Variants in SUMF2 observed in about 807,000 individuals in gnomAD.
The protein encoded by SUMF2 is sulfatase modifying factor 2, also known as inactive C-alpha-formylglycine-generating enzyme 2.
SUMF2 carries 45 observed loss-of-function variants against 44.8 expected under a neutral mutation model. That is an observed-to-expected ratio of 1.00 (90% CI 0.79 to 1.29). The LOEUF (loss-of-function observed/expected upper bound fraction) is 1.29. Ranked by LOEUF, SUMF2 falls within the 50% of genes most tolerant of loss-of-function variation. The probability of loss-of-function intolerance (pLI) is 0.00; values close to 1 mark genes in which losing one functional copy is unlikely to be tolerated. For missense variants in SUMF2, 418 were observed against 389.9 expected (o/e 1.07, Z -0.61); for synonymous variants, 148 against 150.4 (o/e 0.98, Z 0.12).
At chr7:56,073,910 G>A in intron 3 of SUMF2, 2 of 542,088 alleles carry the variant, frequency 3.7e-6, no homozygotes, top group South Asian at 4.9e-5. Flanking sequence ...AGCTACTCAG[G>A]AGGTTGAGGT....
intron 5 of SUMF2, among the ~76,000 whole-genome samples, chr7:56,075,107 A>AG (rs1217401572): frequency 2.0e-5 from 3 of 151,668 alleles, no homozygotes; most frequent in African/African-American, 7.3e-5. Context: ...CAAAAGAAAA[A>AG]GCGGGGGGAT....
At chr7:56,087,513 C>T in the SUMF2 span, 1,504 of 1,347,788 alleles carry the variant, frequency 1.1e-3, 8 homozygotes, top group South Asian at 2.1e-3. Flanking sequence ...GTTGGCTGTG[C>T]GGTGGGGCCA....
Position 56,080,563 on chromosome 7 carries a change from C to T in SUMF2, c.*951C>T, listed in dbSNP as rs1477990496. The T allele has an allele frequency of 1.2e-5, 2 of 169,556 alleles. No individual in the cohort carries two copies. Among genetic ancestry groups the T allele is most frequent in the Middle Eastern group, 2.8e-3 (1 of 362 alleles). The allele number at this position is 169,556 out of a possible 1,614,324, so 10.5% of individuals were successfully genotyped here. ...ACAGGTGTGAGCCACCTCGCCTGGGCCCCCTTCTCCATATGCCTCCAAAAA... is the reference window on the plus strand; with the variant it reads ...ACAGGTGTGAGCCACCTCGCCTGGGTCCCCTTCTCCATATGCCTCCAAAAA... On this transcript the variant is annotated 3_prime_UTR_variant, in exon 9 of 9. Transcript: ENST00000434526.
intron 6 of SUMF2, 68 bp from the exon 7 acceptor site, chr7:56,078,032 CCT>C: frequency 7.3e-7 from 1 of 1,373,462 alleles, no homozygotes; most frequent in Non-Finnish European, 1.0e-6. Flanking sequence ...CCTTGGTTTT[CCT>C]CTGGATAGGC....
intron 2 of SUMF2, among the ~76,000 whole-genome samples, chr7:56,068,880 TTTG>T (rs1297256002): frequency 6.6e-6 from 1 of 151,688 alleles, no homozygotes; most frequent in Non-Finnish European, 1.5e-5. Context: ...TTTTTTTTTT[TTTG>T]TATTTTTTTA....
intron 2 of SUMF2, among the ~76,000 whole-genome samples, chr7:56,071,514 C>T (rs1031544384): frequency 5.3e-5 from 8 of 151,246 alleles, no homozygotes; most frequent in Non-Finnish European, 7.4e-5. Context: ...TGGTTGGGCG[C>T]AGTGGCTCAC....
the SUMF2 span, chr7:56,087,803 C>T: frequency 1.0e-5 from 16 of 1,591,224 alleles, no homozygotes; most frequent in East Asian, 4.5e-5. Context: ...CAGATGGCCT[C>T]GGGGGGCCCC....
chr7:56,087,224 ATT>A, the SUMF2 span, among the ~76,000 whole-genome samples: 1 of 147,708 alleles, frequency 6.8e-6, no homozygotes, highest in Admixed American at 6.8e-5. Flanking sequence ...TATTATTATT[ATT>A]ATTATTATTA....
the SUMF2 span, among the ~76,000 whole-genome samples, chr7:56,087,194 T>TTTATTATTATTATTATTA: frequency 2.2e-5 from 3 of 136,086 alleles, no homozygotes; most frequent in Non-Finnish European, 4.7e-5. Flanking sequence ...GCCCAGGGAC[T>TTTATTATTATTATTATTA]TTATTATTAT....
downstream of SUMF2, chr7:56,081,081 G>C (rs1795953882): frequency 6.2e-7 from 1 of 1,612,874 alleles, no homozygotes; most frequent in Non-Finnish European, 8.5e-7. The surrounding 1 kb of genome is among the most constrained non-coding windows in gnomAD (Gnocchi z 4.6). Flanking sequence ...CCAGGGAGAG[G>C]AGCACGGCCT....
At chr7:56,083,143 C>A, downstream of SUMF2, 1 of 754,424 alleles carries the variant, frequency 1.3e-6, no homozygotes, top group South Asian at 2.0e-5. Flanking sequence ...AAAAAAAATC[C>A]CTAGCCCTTG....
chr7:56,067,947 T>A (rs1185295103), intron 1 of SUMF2, among the ~76,000 whole-genome samples: 2 of 149,226 alleles, frequency 1.3e-5, no homozygotes, highest in South Asian at 4.2e-4. Context: ...GTAATTTGCC[T>A]AAGGTTTCCC....
intron 2 of SUMF2, among the ~76,000 whole-genome samples, chr7:56,070,424 G>C (rs1366631275): frequency 6.6e-6 from 1 of 151,172 alleles, no homozygotes. Context: ...CCAGGAGTTC[G>C]AGACCATCCT....
Position 56,079,557 on chromosome 7 carries a change from A to T in SUMF2, c.851A>T (p.Asp284Val). ...GGCAACACTCCAGATTCAGCCTCAG[A>T]CAACCTCGGTTTCCGCTGTGCTGCA... is the stretch of plus-strand genomic sequence containing the variant. ...RMGNTPDSASDNLGFRCAADA... is the reference protein window; with the variant it reads ...RMGNTPDSASVNLGFRCAADA... Residue 284 changes from aspartate (D) to valine (V), a missense_variant, in exon 9 of 9, where the codon GAC (aspartate) becomes GTC (valine). Physicochemically the swap from Asp to Val is radical, Grantham distance 152. Coordinates refer to ENST00000434526, the MANE Select transcript of SUMF2 (RefSeq NM_015411.4). The T allele has an allele frequency of 6.2e-7, 1 of 1,613,940 alleles. No homozygotes were observed. Among genetic ancestry groups the T allele is most frequent in the Non-Finnish European group, 8.5e-7 (1 of 1,179,830 alleles).
chr7:56,078,033 C>T, intron 6 of SUMF2, 69 bp from the exon 7 acceptor site: 2 of 1,381,642 alleles, frequency 1.4e-6, no homozygotes, highest in Non-Finnish European at 2.0e-6. Flanking sequence ...CTTGGTTTTC[C>T]TCTGGATAGG....
chr7:56,065,745 G>T (rs1469041893), intron 1 of SUMF2, among the ~76,000 whole-genome samples: 2 of 151,940 alleles, frequency 1.3e-5, no homozygotes, highest in Non-Finnish European at 2.9e-5. Context: ...AAGCCACCAC[G>T]CCAGGATGAT....
chr7:56,083,120 A>AAT, downstream of SUMF2: 1 of 642,444 alleles, frequency 1.6e-6, no homozygotes, highest in Non-Finnish European at 2.6e-6. Context: ...AAAAAAAAAA[A>AAT]GAAAGAAAAA....
At position 56,064,385 on chromosome 7, in the gene SUMF2, G is replaced by A; in HGVS notation, c.67+7G>A. On this transcript the variant is annotated splice_region_variant and intron_variant, in intron 1 of 8. Coordinates refer to ENST00000434526, the MANE Select transcript of SUMF2 (RefSeq NM_015411.4). The stretch of plus-strand genomic sequence containing the variant: ...GGCGCGTGGCTCAAGCTAGGTCAGT[G>A]AACCGGCCGTCCATCCTGGGGGCGC... 1 of 1,600,486 alleles carries A rather than the reference G, an allele frequency of 6.2e-7. No individual in the cohort carries two copies.
chr7:56,072,775 A>C (rs1795262725), intron 2 of SUMF2, among the ~76,000 whole-genome samples: 1 of 152,194 alleles, frequency 6.6e-6, no homozygotes, highest in Non-Finnish European at 1.5e-5. Context: ...AATTAACCTC[A>C]CAGAACTAAA....
Sources: gnomAD v4.1 joint callset for allele counts (sites outside exome capture counted in the v4.1 genomes callset) on GRCh38, gnomAD v4.1.1 for gene constraint, Gnocchi (gnomAD v3.1) non-coding constraint, MANE v1.5 for transcripts, NCBI Gene and HGNC (gene_info 2026-07-23, HGNC 2026-07-21) for gene names.